The following SS18L1 variants were observed in gnomAD, a reference collection of about 807,000 sequenced individuals.
SS18L1 encodes SS18L1 subunit of BAF chromatin remodeling complex, also known as calcium-responsive transactivator.
Under a neutral mutation model 70.3 loss-of-function variants are expected in SS18L1, and 32 were observed. The observed-to-expected ratio is 0.46, with a 90% CI of 0.34 to 0.61. The LOEUF (loss-of-function observed/expected upper bound fraction) is 0.61. SS18L1 is among the 20% of genes least tolerant of loss of function. SS18L1 has a pLI of 0.01. For synonymous variants in SS18L1, 237 were observed against 229.7 expected (o/e 1.03, Z -0.29); for missense variants, 430 against 542.1 (o/e 0.79, Z 2.05).
rs1325984371 is a variant in SS18L1, at chr20:62,154,511, G to GC, written c.70-4155dup. 6.9e-6 allele frequency: 7 copies of GC among 1,017,908 alleles called. No individual in the cohort carries two copies. The South Asian group carries it at 3.2e-4, about 47-fold the overall frequency. The allele number at this position is 1,017,908 out of a possible 1,614,324, so 63.1% of individuals were successfully genotyped here. On this transcript the variant is annotated intron_variant, in intron 1 of 10. Coordinates refer to ENST00000331758, the MANE Select transcript of SS18L1 (RefSeq NM_198935.3). ...GAGCCTCCCTCAGGCCAGGCCATCG[G>GC]CCCCCCAGAGGTCTCCGTTGGGACT...
intron 1 of SS18L1, 56 bp downstream of exon 1, chr20:62,143,945 G>A (rs2056971635): frequency 2.1e-6 from 2 of 963,836 alleles, no homozygotes; most frequent in South Asian, 4.6e-5. Flanking sequence ...GGGCGCGCGC[G>A]GGGACGGGGC....
Position 62,165,418 on chromosome 20 carries a change from A to C in SS18L1, c.824-4A>C, listed in dbSNP as rs554339569. On this transcript the variant is annotated splice_region_variant and splice_polypyrimidine_tract_variant and intron_variant, in intron 7 of 10. Coordinates refer to ENST00000331758, the MANE Select transcript of SS18L1 (RefSeq NM_198935.3). ...CTGACTGTCGCCGTCTCCGTTTCGC[A>C]CAGGCCATGGCGATTACGCCTACCA... The C allele has an allele frequency of 1.7e-5, 27 of 1,610,914 alleles. No individual in the cohort carries two copies. The highest frequency in any genetic ancestry group is 3.3e-4 in the Middle Eastern group (2 of 6,056).
At position 62,182,307 on chromosome 20, in the gene SS18L1, A is replaced by G. The variant is rs971820708; in HGVS notation, c.*3099A>G. ...AGACGACTGTTTTCCATTTCCATTT[A>G]AACATTTTTAGCCACTTCATTTCTA... On this transcript the variant is annotated 3_prime_UTR_variant, in exon 11 of 11. Transcript: ENST00000331758. 1 of 215,260 alleles carries G rather than the reference A, an allele frequency of 4.6e-6. No individual in the cohort carries two copies. Among genetic ancestry groups the G allele is most frequent in the African/African-American group, 2.3e-5 (1 of 44,262 alleles). The allele number at this position is 215,260 out of a possible 1,614,324, so 13.3% of individuals were successfully genotyped here. A position where few individuals can be genotyped will look rare whatever the true frequency, so the allele number is the denominator to read the frequency against.
intron 8 of SS18L1, among the ~76,000 whole-genome samples, chr20:62,169,261 G>C (rs951319546): frequency 6.6e-6 from 1 of 152,242 alleles, no homozygotes; most frequent in Non-Finnish European, 1.5e-5. Flanking sequence ...ATGCAGGCAA[G>C]AGGAGACTGT....
chr20:62,146,605 ATTTTTTTT>A (rs10673768), intron 1 of SS18L1, among the ~76,000 whole-genome samples: 3 of 79,714 alleles, frequency 3.8e-5, no homozygotes, highest in African/African-American at 5.2e-5. Context: ...TGCTTTGATC[ATTTTTTTT>A]TTTTTTTTTT....
chr20:62,154,310 T>C (rs2057184475), intron 1 of SS18L1: 3 of 1,042,298 alleles, frequency 2.9e-6, no homozygotes, highest in Non-Finnish European at 2.3e-6. Flanking sequence ...AGTCATCGAG[T>C]GCCCTTGGTT....
At chr20:62,154,895 C>G (rs57471685) in intron 1 of SS18L1, among the ~76,000 whole-genome samples, 2 of 152,080 alleles carry the variant, frequency 1.3e-5, no homozygotes, top group African/African-American at 2.4e-5. Context: ...TCACCTCGGT[C>G]GATCCGTCCT....
rs1227502409 is a variant in SS18L1, at chr20:62,151,938, T to G, written c.70-6734T>G. ...GCCTCCCCCGTTCTCCTCTTTTCCC[T>G]CTCCCCAGAGCTGGCCTCCCCCGTT... On this transcript the variant is annotated intron_variant, in intron 1 of 10. Transcript: ENST00000331758. 7.4e-3 allele frequency among the ~76,000 whole-genome samples: 644 copies of G among 86,720 alleles called. 4 individuals carry two copies. The highest frequency in any genetic ancestry group is 0.012 in the African/African-American group (189 of 16,196). 56.9% of individuals were successfully genotyped at this position (86,720 alleles called of 152,430 possible).
At chr20:62,175,834 G>A (rs1409602238) in intron 10 of SS18L1, among the ~76,000 whole-genome samples, 1 of 152,242 alleles carries the variant, frequency 6.6e-6, no homozygotes, top group East Asian at 1.9e-4. Flanking sequence ...TCCCTGCCAG[G>A]GCACCGTACT....
chr20:62,146,005 C>T (rs112749985), intron 1 of SS18L1, among the ~76,000 whole-genome samples: 1 of 147,600 alleles, frequency 6.8e-6, no homozygotes, highest in South Asian at 2.1e-4. Flanking sequence ...TGCGTGGTAG[C>T]GAAGGAGAAA....
At position 62,172,828 on chromosome 20, in the gene SS18L1, C is replaced by A. The variant is rs772509278; in HGVS notation, c.1036+27C>A. On this transcript the variant is annotated intron_variant, in intron 9 of 10. Transcript: ENST00000331758. ...TAAGAGGCGAGCACGGTCCTCGGGGCCCCCCAGCGCCCACCCCTGCCCCTG... is the reference window on the plus strand; with the variant it reads ...TAAGAGGCGAGCACGGTCCTCGGGGACCCCCAGCGCCCACCCCTGCCCCTG... The A allele has an allele frequency of 5.7e-5, 91 of 1,605,038 alleles. No individual in the cohort carries two copies. The South Asian group carries it at 6.9e-4, about 12-fold the overall frequency.
rs767010487 is a variant in SS18L1, at chr20:62,162,909, C to T, written c.534C>T (p.Asn178=). 28 of 1,612,714 alleles carry T rather than the reference C, an allele frequency of 1.7e-5. No homozygotes were observed. The highest frequency in any genetic ancestry group is 2.2e-5 in the Non-Finnish European group (26 of 1,179,954). ...TCGGCAACTACGTGTCTCGGACCAA[C>T]ATCAACATGCAGTCCAACCCAGGTA... The part of the protein sequence containing the change: ...GTIGNYVSRT[N]INMQSNPVSM... Residue 178 remains asparagine, a synonymous_variant, in exon 5 of 11, where the codon AAC becomes AAT. Transcript: ENST00000331758.
chr20:62,157,723 C>G (rs1334226270), intron 1 of SS18L1, among the ~76,000 whole-genome samples: 1 of 152,192 alleles, frequency 6.6e-6, no homozygotes, highest in African/African-American at 2.4e-5. Context: ...CAAGACGGGA[C>G]CGGCCTTCCC....
At position 62,159,806 on chromosome 20, in the gene SS18L1, T is replaced by A; in HGVS notation, c.147-71T>A. On this transcript the variant is annotated intron_variant, in intron 2 of 10. Coordinates refer to ENST00000331758, the MANE Select transcript of SS18L1 (RefSeq NM_198935.3). The surrounding 1 kb of genome is among the most constrained non-coding windows in gnomAD (Gnocchi z 4.4). The stretch of plus-strand genomic sequence containing the variant: ...TCAGGCTGTCTTGTTCACACTTTAC[T>A]TCTGCCTTGGATCCACGTGGGGACT... The A allele has an allele frequency of 6.8e-7, 1 of 1,472,190 alleles. No individual in the cohort carries two copies. The highest frequency in any genetic ancestry group is 9.3e-7 in the Non-Finnish European group (1 of 1,075,662). 91.2% of individuals were successfully genotyped at this position (1,472,190 alleles called of 1,614,324 possible). A position where few individuals can be genotyped will look rare whatever the true frequency, so the allele number is the denominator to read the frequency against.
At chr20:62,160,067 G>A in intron 3 of SS18L1, 106 bp downstream of exon 3, 1 of 1,213,316 alleles carries the variant, frequency 8.2e-7, no homozygotes, top group Non-Finnish European at 1.1e-6. Flanking sequence ...ATGACTCAGA[G>A]AAACCAAAAA....
At chr20:62,172,533 A>T in intron 8 of SS18L1, 149 bp from the exon 9 acceptor site, 3 of 1,103,668 alleles carry the variant, frequency 2.7e-6, no homozygotes, top group South Asian at 1.5e-5. Context: ...GGTGTAGTAT[A>T]GTATTTGAAT....
In SS18L1 at chr20:62,174,568, G is replaced by C; in HGVS notation, c.1088G>C (p.Gly363Ala). 1 of 1,613,996 alleles carries C rather than the reference G, an allele frequency of 6.2e-7. No individual in the cohort carries two copies. The highest frequency in any genetic ancestry group is 8.5e-7 in the Non-Finnish European group (1 of 1,180,034). The change falls in exon 10 of 11, where the codon GGC becomes GCC. Residue 363 changes from glycine to alanine, a missense_variant. Coordinates refer to ENST00000331758, the MANE Select transcript of SS18L1 (RefSeq NM_198935.3). The surrounding 1 kb of genome is among the most constrained non-coding windows in gnomAD (Gnocchi z 4.1). ...SQYPGYQQGQ[G>A]QQYGSYRAPQ... ...TACCCCGGCTACCAGCAAGGCCAAGGCCAGCAGTACGGAAGCTACCGAGCA... is the reference window on the plus strand; with the variant it reads ...TACCCCGGCTACCAGCAAGGCCAAGCCCAGCAGTACGGAAGCTACCGAGCA...
At chr20:62,150,806 A>G (rs192263270) in intron 1 of SS18L1, among the ~76,000 whole-genome samples, 3 of 151,706 alleles carry the variant, frequency 2.0e-5, no homozygotes, top group African/African-American at 7.3e-5. Context: ...AAGATGTTTG[A>G]GAGGAAAGGG....
At chr20:62,165,295 G>A (rs112245488) in intron 7 of SS18L1, 127 bp from the exon 8 acceptor site, 88 of 857,794 alleles carry the variant, frequency 1.0e-4, no homozygotes, top group African/African-American at 3.8e-4. Context: ...TGGGGAACAC[G>A]GGTCCTGCCG....
Sources: allele counts gnomAD v4.1 joint callset (sites outside exome capture counted in the v4.1 genomes callset), GRCh38; gene constraint gnomAD v4.1.1; non-coding constraint Gnocchi (gnomAD v3.1); transcripts MANE v1.5; gene names NCBI Gene and HGNC (gene_info 2026-07-23, HGNC 2026-07-21).